Variants in ST18 observed in about 807,000 individuals in gnomAD.
ST18 encodes the protein suppression of tumorigenicity 18 protein.
A neutral mutation model predicts 110.0 loss-of-function variants in ST18; 50 were observed. That is an observed-to-expected ratio of 0.45 (90% CI 0.36 to 0.58). The LOEUF is 0.58. ST18 is among the 20% of genes least tolerant of loss of function. The pLI, the probability that ST18 is intolerant of heterozygous loss-of-function variation, is 0.00. For synonymous variants in ST18, 461 were observed against 452.4 expected, an observed-to-expected ratio of 1.02 and a Z score of -0.24; for missense variants, 1,306 against 1,280.1, an observed-to-expected ratio of 1.02 and a Z score of -0.31.
At chr8:52,154,875 C>T (rs1369090325) in intron 15 of ST18, 1 of 142,070 alleles carries the variant, frequency 7.0e-6, no homozygotes, top group Non-Finnish European at 1.5e-5. Context: ...AGCAGATCCT[C>T]TCAGAAAAAA....
chr8:52,369,922 G>A (rs1208094561), intron 2 of ST18, among the ~76,000 whole-genome samples: 2 of 152,246 alleles, frequency 1.3e-5, no homozygotes, highest in South Asian at 2.1e-4. Context: ...TGCTCTGGAG[G>A]GGTTCTCTGT....
At chr8:52,184,307 A>T (rs761803818) in intron 8 of ST18, among the ~76,000 whole-genome samples, 9 of 152,232 alleles carry the variant, frequency 5.9e-5, no homozygotes, top group Non-Finnish European at 8.8e-5. Flanking sequence ...TGCTTTAAAC[A>T]TCCAGCGTCC....
chr8:52,295,432 A>G (rs1589691371), intron 2 of ST18, among the ~76,000 whole-genome samples: 2 of 152,168 alleles, frequency 1.3e-5, no homozygotes, highest in African/African-American at 2.4e-5. Flanking sequence ...GTAATAAACT[A>G]CTCCAGAGCA....
chr8:52,147,689 A>T (rs2057709775), intron 16 of ST18, among the ~76,000 whole-genome samples: 1 of 151,930 alleles, frequency 6.6e-6, no homozygotes, highest in Non-Finnish European at 1.5e-5. Context: ...GTTATACTTA[A>T]TTCATGAGAC....
Position 52,268,989 on chromosome 8 carries a change from C to T in ST18, c.-464-38912G>A, listed in dbSNP as rs117700749. 4.9e-4 allele frequency among the ~76,000 whole-genome samples: 75 copies of T among 152,310 alleles called. No individual in the cohort carries two copies. The East Asian group carries it at 0.012, about 25-fold the overall frequency. On this transcript the variant is annotated intron_variant, in intron 2 of 25. Coordinates refer to ENST00000689386, the MANE Select transcript of ST18 (RefSeq NM_001352837.2). ...CAGCATCTTCACAGCACACACAGCACGTTTTGATGCTGTTCCTCAGTATAG... is the reference window on the plus strand; with the variant it reads ...CAGCATCTTCACAGCACACACAGCATGTTTTGATGCTGTTCCTCAGTATAG...
chr8:52,352,805 G>A (rs1820997642), intron 2 of ST18, among the ~76,000 whole-genome samples: 1 of 152,228 alleles, frequency 6.6e-6, no homozygotes. Context: ...AACCGTGGGA[G>A]AAGAAATGTT....
intron 2 of ST18, among the ~76,000 whole-genome samples, chr8:52,341,249 G>A (rs557887257): frequency 7.9e-5 from 12 of 152,166 alleles, no homozygotes; most frequent in African/African-American, 2.9e-4. Context: ...AATCAAACAC[G>A]TGGAAAGGGA....
At chr8:52,272,016 C>T (rs1372424190) in intron 2 of ST18, among the ~76,000 whole-genome samples, 1 of 152,182 alleles carries the variant, frequency 6.6e-6, no homozygotes, top group East Asian at 1.9e-4. Context: ...TAAGAACTAT[C>T]TGGAGACTCT....
At chr8:52,124,891 T>C (rs777121331) in intron 23 of ST18, among the ~76,000 whole-genome samples, 8 of 152,152 alleles carry the variant, frequency 5.3e-5, no homozygotes, top group Non-Finnish European at 8.8e-5. Flanking sequence ...CTGCATGTCT[T>C]CTTTTTAAAA....
At chr8:52,182,602 A>G (rs753242768) in intron 8 of ST18, among the ~76,000 whole-genome samples, 24 of 152,240 alleles carry the variant, frequency 1.6e-4, no homozygotes, top group Non-Finnish European at 3.2e-4. Flanking sequence ...AAAATTGTAA[A>G]ATCAGAGTGG....
At chr8:52,328,653 T>C (rs1025708396) in intron 2 of ST18, among the ~76,000 whole-genome samples, 2 of 152,184 alleles carry the variant, frequency 1.3e-5, no homozygotes, top group East Asian at 3.9e-4. Context: ...ATCTCCAGCC[T>C]ACCATATACA....
At chr8:52,409,035 T>C (rs865811468) in intron 2 of ST18, 1 of 152,232 alleles carries the variant, frequency 6.6e-6, no homozygotes, top group Non-Finnish European at 1.5e-5. Flanking sequence ...ATTAAATACA[T>C]TGACTTTTTC....
At position 52,229,442 on chromosome 8, in the gene ST18, G is replaced by T. The variant is rs79777159; in HGVS notation, c.-419+590C>A. Among the ~76,000 whole-genome samples, 87 of 152,250 alleles carry T rather than the reference G, an allele frequency of 5.7e-4. No homozygotes were observed. The East Asian group carries it at 0.012, about 22-fold the overall frequency. The stretch of plus-strand genomic sequence containing the variant: ...GACTGAGGTCCCTGTTTTCTTGCAG[G>T]TTGTAAACTGAGAGCCATTCCCAGC... On this transcript the variant is annotated intron_variant, in intron 3 of 25. Coordinates refer to ENST00000689386, the MANE Select transcript of ST18 (RefSeq NM_001352837.2).
intron 2 of ST18, among the ~76,000 whole-genome samples, chr8:52,324,352 T>C (rs1031798993): frequency 6.6e-6 from 1 of 152,030 alleles, no homozygotes; most frequent in Non-Finnish European, 1.5e-5. Flanking sequence ...GATAAATGGA[T>C]GAATAGACAT....
intron 2 of ST18, among the ~76,000 whole-genome samples, chr8:52,277,577 C>A (rs1355694153): frequency 6.6e-6 from 1 of 152,136 alleles, no homozygotes; most frequent in Non-Finnish European, 1.5e-5. Flanking sequence ...TGTTTTGCCT[C>A]ATTGGAAAGA....
chr8:52,327,019 C>T (rs1448284729), intron 2 of ST18, among the ~76,000 whole-genome samples: 1 of 152,222 alleles, frequency 6.6e-6, no homozygotes, highest in Non-Finnish European at 1.5e-5. Context: ...GGGAGCCCCA[C>T]AGCCTTCATT....
intron 23 of ST18, among the ~76,000 whole-genome samples, chr8:52,120,042 C>T (rs1347885672): frequency 6.6e-6 from 1 of 152,198 alleles, no homozygotes; most frequent in Admixed American, 6.5e-5. Flanking sequence ...GGACCATACT[C>T]ATGGAACTAT....
rs1346890442 is a variant in ST18 at position 52,391,220 on chromosome 8, T to C, written c.-465+18108A>G. ...CCCCCAGAGCCTTCTCTCATTCTCC[T>C]GGGTAAATACTGTTTGATTTCACAA... On this transcript the variant is annotated intron_variant, in intron 2 of 25. Coordinates refer to ENST00000689386, the MANE Select transcript of ST18 (RefSeq NM_001352837.2). Among the ~76,000 whole-genome samples the C allele has an allele frequency of 3.3e-5, 5 of 152,282 alleles. No homozygotes were observed. The East Asian group carries it at 9.7e-4, about 29-fold the overall frequency.
intron 2 of ST18, among the ~76,000 whole-genome samples, chr8:52,344,252 A>ATT (rs11412964): frequency 2.6e-5 from 4 of 152,118 alleles, no homozygotes; most frequent in African/African-American, 9.7e-5. Context: ...AAGAAGCCTT[A>ATT]TTTTTTCAAA....
Sources: allele counts gnomAD v4.1 joint callset (sites outside exome capture counted in the v4.1 genomes callset), GRCh38; gene constraint gnomAD v4.1.1; transcripts MANE v1.5; gene names NCBI Gene and HGNC (gene_info 2026-07-23, HGNC 2026-07-21).